The following GABRG3 variants were observed in gnomAD, a reference collection of about 807,000 sequenced individuals.
GABRG3 encodes the protein gamma-aminobutyric acid type A receptor subunit gamma3.
A neutral mutation model predicts 48.8 loss-of-function variants in GABRG3; 25 were observed. That is an observed-to-expected ratio of 0.51 (90% CI 0.37 to 0.72). The LOEUF (loss-of-function observed/expected upper bound fraction) is 0.72. Among genes scored for constraint, GABRG3 ranks in the 30% least tolerant of loss-of-function variants. The pLI is 0.00. For synonymous variants in GABRG3, 227 were observed against 217.6 expected (o/e 1.04, Z -0.38); for missense variants, 394 against 577.9 (o/e 0.68, Z 3.26).
intron 3 of GABRG3, among the ~76,000 whole-genome samples, chr15:27,098,374 C>T (rs1415851226): frequency 2.6e-5 from 4 of 152,128 alleles, no homozygotes; most frequent in Admixed American, 6.5e-5. Flanking sequence ...GCAGAGGTTG[C>T]GGTGAGCTGA....
chr15:27,125,348 G>A (rs1897801459), intron 3 of GABRG3, among the ~76,000 whole-genome samples: 2 of 152,122 alleles, frequency 1.3e-5, no homozygotes, highest in Non-Finnish European at 2.9e-5. Flanking sequence ...AGGCTGAGAA[G>A]GGAAGGGAGG....
chr15:27,008,510 T>TG (rs1895628209), intron 2 of GABRG3, among the ~76,000 whole-genome samples: 1 of 152,194 alleles, frequency 6.6e-6, no homozygotes, highest in African/African-American at 2.4e-5. Context: ...AGTCGAGAAT[T>TG]GAATCTGGGG....
chr15:27,203,069 CA>C (rs1358295409), intron 3 of GABRG3, among the ~76,000 whole-genome samples: 1 of 152,032 alleles, frequency 6.6e-6, no homozygotes, highest in Admixed American at 6.6e-5. Context: ...ATTTTAGGTT[CA>C]AAGGATACAT....
At chr15:26,986,040 C>A (rs946373132) in intron 2 of GABRG3, among the ~76,000 whole-genome samples, 2 of 152,084 alleles carry the variant, frequency 1.3e-5, no homozygotes, top group African/African-American at 4.8e-5. Flanking sequence ...CGGACCACCC[C>A]TCTGACTCAA....
intron 2 of GABRG3, among the ~76,000 whole-genome samples, chr15:26,986,611 C>G (rs1240451840): frequency 6.6e-6 from 1 of 152,114 alleles, no homozygotes. Flanking sequence ...CTTCACAGTT[C>G]ATTAAAAATA....
At chr15:27,153,706 T>G (rs1011662169) in intron 3 of GABRG3, among the ~76,000 whole-genome samples, 2 of 152,202 alleles carry the variant, frequency 1.3e-5, no homozygotes, top group Admixed American at 6.5e-5. Context: ...TTTTTTCTGT[T>G]TCCTGGCTTC....
chr15:27,076,796 G>A (rs1896918029), intron 3 of GABRG3, among the ~76,000 whole-genome samples: 1 of 152,166 alleles, frequency 6.6e-6, no homozygotes, highest in Non-Finnish European at 1.5e-5. Flanking sequence ...GGAAGAATGG[G>A]GAATGATTCT....
At chr15:27,243,024 T>G (rs369170081) in intron 3 of GABRG3, among the ~76,000 whole-genome samples, 33 of 152,308 alleles carry the variant, frequency 2.2e-4, no homozygotes, top group African/African-American at 7.7e-4. Context: ...AAATCCAAGG[T>G]GGGGTGTATG....
intron 5 of GABRG3, among the ~76,000 whole-genome samples, chr15:27,344,571 AAAGTT>A (rs1317892874): frequency 1.3e-5 from 2 of 152,208 alleles, no homozygotes; most frequent in Non-Finnish European, 2.9e-5. Context: ...TTTTTATAAT[AAAGTT>A]ATTTTGATCA....
At chr15:27,090,504 A>G (rs934847610) in intron 3 of GABRG3, among the ~76,000 whole-genome samples, 1 of 152,180 alleles carries the variant, frequency 6.6e-6, no homozygotes, top group Non-Finnish European at 1.5e-5. Context: ...AGTTCCACCA[A>G]CAACCTATGA....
rs80254024 is a variant in GABRG3 at position 27,201,613 on chromosome 15, G to A, written c.271-125196G>A. On this transcript the variant is annotated intron_variant, in intron 3 of 9. Transcript: ENST00000615808. Reference sequence around the variant, plus strand: ...AGCTGGATTAGTCCAAAGAGGAGGCGCTATTACACAGCATCCCTATAGGGT... The same window carrying A: ...AGCTGGATTAGTCCAAAGAGGAGGCACTATTACACAGCATCCCTATAGGGT... Among the ~76,000 whole-genome samples, 692 of 152,100 alleles carry A rather than the reference G, an allele frequency of 4.5e-3. 6 individuals carry two copies. The highest frequency in any genetic ancestry group is 0.016 in the African/African-American group (671 of 41,498).
chr15:27,271,584 T>A (rs989984375), intron 3 of GABRG3: 1 of 420,382 alleles, frequency 2.4e-6, no homozygotes, highest in Non-Finnish European at 4.7e-6. Context: ...CTGCTGGGTA[T>A]GCAACCTAGA....
chr15:27,157,111 TAG>T (rs1898450932), intron 3 of GABRG3, among the ~76,000 whole-genome samples: 1 of 152,152 alleles, frequency 6.6e-6, no homozygotes, highest in African/African-American at 2.4e-5. Flanking sequence ...CACTTGCAGG[TAG>T]AGAGTATTGC....
intron 5 of GABRG3, among the ~76,000 whole-genome samples, chr15:27,412,544 C>T (rs1887827962): frequency 6.6e-6 from 1 of 152,156 alleles, no homozygotes; most frequent in African/African-American, 2.4e-5. Flanking sequence ...TATATTGTGT[C>T]ATCCATTCGC....
At chr15:27,085,801 T>C (rs556452325) in intron 3 of GABRG3, among the ~76,000 whole-genome samples, 20 of 152,334 alleles carry the variant, frequency 1.3e-4, no homozygotes, top group African/African-American at 4.8e-4. Flanking sequence ...TAAAAATTGT[T>C]CAGCTTATTT....
chr15:27,455,416 T>A (rs1276753918), intron 5 of GABRG3, among the ~76,000 whole-genome samples: 1 of 151,912 alleles, frequency 6.6e-6, no homozygotes, highest in African/African-American at 2.4e-5. Flanking sequence ...TATGTGTGTG[T>A]GCATTTGTGT....
At chr15:27,269,230 G>A (rs554241870) in intron 3 of GABRG3, among the ~76,000 whole-genome samples, 4 of 151,748 alleles carry the variant, frequency 2.6e-5, no homozygotes, top group Admixed American at 1.3e-4. Context: ...AGTGGTATCC[G>A]TGATTTCAGT....
In GABRG3 at chr15:27,179,004, C is replaced by G. The variant is rs1344199675; in HGVS notation, c.271-147805C>G. ...CCTTGGGGAAGAGGGATTCTTGTTTCTATGGCAGCCTCAGAGGAGAATGGG... is the reference window on the plus strand; with the variant it reads ...CCTTGGGGAAGAGGGATTCTTGTTTGTATGGCAGCCTCAGAGGAGAATGGG... On this transcript the variant is annotated intron_variant, in intron 3 of 9. Transcript: ENST00000615808. This position sits in a 1 kb window ranked among gnomAD's most constrained non-coding sequence, Gnocchi z 4.0. Among the ~76,000 whole-genome samples, 3 of 152,120 alleles carry G rather than the reference C, an allele frequency of 2.0e-5. No homozygotes were observed.
At chr15:27,337,970 G>A (rs532303935) in intron 5 of GABRG3, among the ~76,000 whole-genome samples, 9 of 152,170 alleles carry the variant, frequency 5.9e-5, no homozygotes, top group Non-Finnish European at 1.0e-4. Context: ...CAAGTGCAAC[G>A]CCGTCTCTGA....
Sources: allele counts gnomAD v4.1 joint callset (sites outside exome capture counted in the v4.1 genomes callset), GRCh38; gene constraint gnomAD v4.1.1; non-coding constraint Gnocchi (gnomAD v3.1); transcripts MANE v1.5; gene names NCBI Gene and HGNC (gene_info 2026-07-23, HGNC 2026-07-21).